Variants in MAP2K4 observed in about 807,000 individuals in gnomAD.
The protein encoded by MAP2K4 is mitogen-activated protein kinase kinase 4.
MAP2K4 carries 4 observed loss-of-function variants against 48.5 expected under a neutral mutation model. The observed-to-expected ratio is 0.08, with a 90% CI of 0.04 to 0.19. The LOEUF (loss-of-function observed/expected upper bound fraction) is 0.19. Ranked by LOEUF, MAP2K4 falls within the 10% of genes least tolerant of loss-of-function variation. MAP2K4 has a pLI of 1.00. For synonymous variants in MAP2K4, 166 were observed against 173.1 expected (o/e 0.96, Z 0.32); for missense variants, 258 against 493.3 (o/e 0.52, Z 4.52).
intron 10 of MAP2K4, 145 bp from the exon 11 acceptor site, chr17:12,141,002 C>G (rs369616544): frequency 4.8e-6 from 3 of 629,300 alleles, no homozygotes; most frequent in East Asian, 2.7e-5. Flanking sequence ...AGGCTGTACT[C>G]GCCTCTCTGA....
Position 12,141,787 on chromosome 17 carries a change from T to A in MAP2K4, c.*527T>A. 1 of 234,482 alleles carries A rather than the reference T, an allele frequency of 4.3e-6. No individual in the cohort carries two copies. Among genetic ancestry groups the A allele is most frequent in the Non-Finnish European group, 8.4e-6 (1 of 118,634 alleles). The allele number at this position is 234,482 out of a possible 1,614,324, so 14.5% of individuals were successfully genotyped here. On this transcript the variant is annotated 3_prime_UTR_variant, in exon 11 of 11. Coordinates refer to ENST00000353533, the MANE Select transcript of MAP2K4 (RefSeq NM_003010.4). Reference sequence around the variant, plus strand: ...CACCAAGTGCAATAGATTACTGATGTGATATTCTGTTGCTTTACAGTTACA... The same window carrying A: ...CACCAAGTGCAATAGATTACTGATGAGATATTCTGTTGCTTTACAGTTACA...
At chr17:12,024,115 A>G (rs1480364950) in intron 1 of MAP2K4, among the ~76,000 whole-genome samples, 2 of 152,142 alleles carry the variant, frequency 1.3e-5, no homozygotes, top group Non-Finnish European at 1.5e-5. Flanking sequence ...GTCCTTTCAG[A>G]GTATCCTAGA....
chr17:12,131,215 T>C lies in MAP2K4; in HGVS notation c.1040+1928T>C, dbSNP rs993576573. 3.3e-5 allele frequency among the ~76,000 whole-genome samples: 5 copies of C among 151,652 alleles called. No individual in the cohort carries two copies. The South Asian group carries it at 6.3e-4, about 19-fold the overall frequency. On this transcript the variant is annotated intron_variant, in intron 9 of 10. Transcript: ENST00000353533. Reference sequence around the variant, plus strand: ...AACCCATTACGATCTGGACTTAGTTTATTGCTCTGGTCACATTTCTTTTTT... The same window carrying C: ...AACCCATTACGATCTGGACTTAGTTCATTGCTCTGGTCACATTTCTTTTTT...
intron 2 of MAP2K4, among the ~76,000 whole-genome samples, chr17:12,066,139 T>TC (rs1301944127): frequency 6.6e-6 from 1 of 151,140 alleles, no homozygotes; most frequent in African/African-American, 2.4e-5. Context: ...TTTCTTTCTT[T>TC]TTTTTTTTTT....
intron 2 of MAP2K4, among the ~76,000 whole-genome samples, chr17:12,056,802 A>G (rs1970295143): frequency 6.6e-6 from 1 of 152,144 alleles, no homozygotes; most frequent in African/African-American, 2.4e-5. Context: ...GCCATCAAGC[A>G]CTAAAAACAG....
intron 7 of MAP2K4, among the ~76,000 whole-genome samples, chr17:12,117,388 G>A (rs1288154157): frequency 2.0e-5 from 3 of 151,800 alleles, no homozygotes; most frequent in African/African-American, 7.3e-5. Flanking sequence ...ACCACATCTT[G>A]TTGATTCAGT....
At chr17:12,120,534 T>TG (rs1555551454) in intron 7 of MAP2K4, among the ~76,000 whole-genome samples, 1 of 137,208 alleles carries the variant, frequency 7.3e-6, no homozygotes, top group African/African-American at 2.6e-5. Flanking sequence ...GCTCCCTCAT[T>TG]CCCCCCCCCA....
chr17:12,111,450 T>A (rs1476323380), intron 6 of MAP2K4, among the ~76,000 whole-genome samples: 1 of 152,074 alleles, frequency 6.6e-6, no homozygotes, highest in Non-Finnish European at 1.5e-5. Flanking sequence ...ATTCTTTGTT[T>A]CTCTTGTATT....
chr17:12,061,817 C>T (rs762411155), intron 2 of MAP2K4, among the ~76,000 whole-genome samples: 1 of 151,912 alleles, frequency 6.6e-6, no homozygotes, highest in Non-Finnish European at 1.5e-5. Context: ...GGCCTTTTAT[C>T]TTTGCAGTAT....
chr17:12,100,340 T>C (rs987156344), intron 4 of MAP2K4, among the ~76,000 whole-genome samples: 1 of 152,224 alleles, frequency 6.6e-6, no homozygotes, highest in Non-Finnish European at 1.5e-5. Context: ...CTTCTCTTTT[T>C]CAGTTTGTCG....
intron 1 of MAP2K4, among the ~76,000 whole-genome samples, chr17:12,046,272 C>T (rs1298356787): frequency 6.6e-6 from 1 of 152,114 alleles, no homozygotes; most frequent in Non-Finnish European, 1.5e-5. Flanking sequence ...TGTGAAATTC[C>T]AACTCTTAGG....
chr17:12,064,124 A>G lies in MAP2K4; in HGVS notation c.218+9133A>G, dbSNP rs575115140. ...TTGTATATATAATAAACCAAAACTC[A>G]AAACAACCCAGTTTACTTTTTTGTT... is the stretch of plus-strand genomic sequence containing the variant. On this transcript the variant is annotated intron_variant, in intron 2 of 10. Coordinates refer to ENST00000353533, the MANE Select transcript of MAP2K4 (RefSeq NM_003010.4). Among the ~76,000 whole-genome samples the G allele has an allele frequency of 1.4e-4, 21 of 152,226 alleles. No individual in the cohort carries two copies. The South Asian group carries it at 3.9e-3, about 29-fold the overall frequency.
At chr17:12,053,156 G>A (rs916796096) in intron 1 of MAP2K4, among the ~76,000 whole-genome samples, 2 of 151,946 alleles carry the variant, frequency 1.3e-5, no homozygotes, top group African/African-American at 4.8e-5. Context: ...TTCTCAAGAA[G>A]TAAAAGAGCA....
At chr17:12,063,520 C>CAA (rs1224123018) in intron 2 of MAP2K4, among the ~76,000 whole-genome samples, 1 of 152,206 alleles carries the variant, frequency 6.6e-6, no homozygotes, top group African/African-American at 2.4e-5. Flanking sequence ...AAAGTAAAAG[C>CAA]AAAAACTCTA....
At chr17:12,075,572 G>A (rs779448373) in intron 2 of MAP2K4, among the ~76,000 whole-genome samples, 1 of 152,130 alleles carries the variant, frequency 6.6e-6, no homozygotes, top group Non-Finnish European at 1.5e-5. Flanking sequence ...GCTCAGGGGC[G>A]CTATCTCAGG....
At chr17:12,083,666 G>A (rs1043087027) in intron 3 of MAP2K4, among the ~76,000 whole-genome samples, 1 of 152,188 alleles carries the variant, frequency 6.6e-6, no homozygotes, top group Non-Finnish European at 1.5e-5. Context: ...ATTAAAATTT[G>A]ATACCAATTG....
chr17:12,068,679 G>C (rs746850412), intron 2 of MAP2K4, among the ~76,000 whole-genome samples: 1 of 151,818 alleles, frequency 6.6e-6, no homozygotes, highest in Non-Finnish European at 1.5e-5. Flanking sequence ...GGGCAAGATC[G>C]AGTTTTAGAT....
chr17:12,129,074 C>G, intron 8 of MAP2K4, 65 bp from the exon 9 acceptor site: 3 of 1,519,160 alleles, frequency 2.0e-6, no homozygotes, highest in Non-Finnish European at 2.7e-6. Flanking sequence ...TTTTTGTGGC[C>G]CTTCCAGTGG....
intron 9 of MAP2K4, among the ~76,000 whole-genome samples, chr17:12,134,566 A>G (rs1973142461): frequency 6.6e-6 from 1 of 152,242 alleles, no homozygotes; most frequent in Non-Finnish European, 1.5e-5. Context: ...GAAAAATCCA[A>G]AATATTCTAT....
Sources: allele counts gnomAD v4.1 joint callset (sites outside exome capture counted in the v4.1 genomes callset), GRCh38; gene constraint gnomAD v4.1.1; transcripts MANE v1.5; gene names NCBI Gene and HGNC (gene_info 2026-07-23, HGNC 2026-07-21).